Variants in IL17RD observed in about 807,000 individuals in gnomAD.
IL17RD encodes interleukin 17 receptor D, also known as interleukin-17 receptor D.
In IL17RD, 52 loss-of-function variants were observed where a neutral mutation model predicts 80.5. The observed-to-expected ratio is 0.65, with a 90% CI of 0.52 to 0.81. The LOEUF (loss-of-function observed/expected upper bound fraction) is 0.81, where lower values mean the gene tolerates loss of function less well. Among genes scored for constraint, IL17RD ranks in the 40% least tolerant of loss-of-function variants. IL17RD has a pLI of 0.00. For synonymous variants in IL17RD, 416 were observed against 391.8 expected (o/e 1.06, Z -0.73); for missense variants, 1,024 against 955.1 (o/e 1.07, Z -0.95).
chr3:57,128,147 G>A (rs184442435), intron 1 of IL17RD, among the ~76,000 whole-genome samples: 40 of 152,310 alleles, frequency 2.6e-4, no homozygotes, highest in African/African-American at 8.9e-4. Context: ...CCAGCAGTCT[G>A]ATTTGGAGGT....
At chr3:57,165,477 C>T (rs2060343023), upstream of IL17RD, 1 of 308,762 alleles carries the variant, frequency 3.2e-6, no homozygotes, top group Non-Finnish European at 5.3e-6. Flanking sequence ...GCCTGGCCCT[C>T]CAGTTGTGGC....
intron 1 of IL17RD, among the ~76,000 whole-genome samples, chr3:57,162,019 T>C (rs2060308471): frequency 6.6e-6 from 1 of 152,238 alleles, no homozygotes; most frequent in Non-Finnish European, 1.5e-5. Context: ...ATCAGCCTCT[T>C]AATTGCCCCA....
intron 1 of IL17RD, among the ~76,000 whole-genome samples, chr3:57,139,432 T>C (rs971534945): frequency 6.6e-6 from 1 of 152,168 alleles, no homozygotes; most frequent in African/African-American, 2.4e-5. Flanking sequence ...TGTGTAATTT[T>C]GAACTGAATG....
In IL17RD at chr3:57,106,129, G is replaced by A; in HGVS notation, c.576C>T (p.Asp192=). 6.2e-7 allele frequency: 1 copy of A among 1,612,438 alleles called. No homozygotes were observed. The change falls in exon 6 of 13, where the codon GAC becomes GAT. Residue 192 remains aspartate (D), a synonymous_variant. Coordinates refer to ENST00000296318, the MANE Select transcript of IL17RD (RefSeq NM_017563.5). ...TRACDLLLQP[D]NLACKPFWKP... is the part of the protein sequence containing the mutation. ...ACTTACAGGGTTTACAAGCTAGATT[G>A]TCCGGCTGTAACAACAGGTCACAGG...
At chr3:57,101,441 T>C (rs780124089) in intron 10 of IL17RD, 78 bp from the exon 11 acceptor site, 6 of 944,568 alleles carry the variant, frequency 6.4e-6, no homozygotes, top group Non-Finnish European at 9.5e-6. Flanking sequence ...AACCCAGTGC[T>C]ATCTTCAAGA....
intron 1 of IL17RD, among the ~76,000 whole-genome samples, chr3:57,135,504 G>A (rs1353552557): frequency 6.6e-6 from 1 of 152,118 alleles, no homozygotes; most frequent in Admixed American, 6.5e-5. Flanking sequence ...ATAAAATTAA[G>A]TACAAAGAAG....
intron 7 of IL17RD, among the ~76,000 whole-genome samples, chr3:57,105,552 A>ATATAT (rs1553623052): frequency 6.3e-5 from 4 of 63,586 alleles, no homozygotes; most frequent in Non-Finnish European, 1.1e-4. Context: ...AAAAAAAAAA[A>ATATAT]ATATATATAT....
intron 3 of IL17RD, among the ~76,000 whole-genome samples, chr3:57,113,483 T>A (rs925404422): frequency 6.6e-6 from 1 of 152,126 alleles, no homozygotes; most frequent in Non-Finnish European, 1.5e-5. Flanking sequence ...GTGATCCACC[T>A]GCCTCGGCCT....
Position 57,096,356 on chromosome 3 carries a change from G to T in IL17RD, c.*37C>A. 7.4e-7 allele frequency: 1 copy of T among 1,349,724 alleles called. No individual in the cohort carries two copies. The highest frequency in any genetic ancestry group is 1.1e-6 in the Non-Finnish European group (1 of 938,448). 83.6% of individuals were successfully genotyped at this position (1,349,724 alleles called of 1,614,324 possible). On this transcript the variant is annotated 3_prime_UTR_variant, in exon 13 of 13. Transcript: ENST00000296318. ...TGAGCTGGGGAATCAGAGGGAGGCA[G>T]CAGCTAAAGTGGCAATGCTTAGACT... is the stretch of plus-strand genomic sequence containing the variant.
chr3:57,155,957 G>A (rs2060264223), intron 1 of IL17RD, among the ~76,000 whole-genome samples: 1 of 152,152 alleles, frequency 6.6e-6, no homozygotes, highest in Non-Finnish European at 1.5e-5. Flanking sequence ...ATTGGAGAGT[G>A]TCTACTTGCA....
At chr3:57,124,635 T>C (rs1287194242) in intron 1 of IL17RD, among the ~76,000 whole-genome samples, 10 of 152,172 alleles carry the variant, frequency 6.6e-5, no homozygotes, top group Non-Finnish European at 1.3e-4. Flanking sequence ...GCCAACACTT[T>C]GATTTTGGCC....
At chr3:57,106,920 T>G (rs139898248) in intron 5 of IL17RD, among the ~76,000 whole-genome samples, 135 of 152,288 alleles carry the variant, frequency 8.9e-4, no homozygotes, top group African/African-American at 3.2e-3. Context: ...AAAAGATACA[T>G]TGATTCTATG....
At chr3:57,096,605 G>A in intron 12 of IL17RD, 100 bp from the exon 13 acceptor site, 4 of 849,264 alleles carry the variant, frequency 4.7e-6, no homozygotes, top group Non-Finnish European at 8.1e-6. Context: ...TTTGGACTAT[G>A]GGCTCTGTAT....
intron 1 of IL17RD, among the ~76,000 whole-genome samples, chr3:57,128,441 A>ATG (rs1273124451): frequency 1.3e-5 from 2 of 152,176 alleles, no homozygotes; most frequent in Non-Finnish European, 2.9e-5. Context: ...GAGCTCTAAC[A>ATG]TGAGGCCGAC....
chr3:57,097,974 G>T lies in IL17RD; in HGVS notation c.1729C>A (p.Pro577Thr), dbSNP rs766095716. 2 of 1,614,028 alleles carry T rather than the reference G, an allele frequency of 1.2e-6. No individual in the cohort carries two copies. Among genetic ancestry groups the T allele is most frequent in the Non-Finnish European group, 1.7e-6 (2 of 1,179,894 alleles). The stretch of plus-strand genomic sequence containing the variant: ...CCCGAATCAAATTTCTCCAAGACTG[G>T]CTCCCGGTAGCGCAGTGGAGGAGGA... ...FHPPPLRYREPVLEKFDSGLV... is the reference protein window; with the variant it reads ...FHPPPLRYRETVLEKFDSGLV... Residue 577 changes from proline to threonine, a missense_variant, in exon 12 of 13, where the codon CCA becomes ACA. Pro to Thr is a conservative substitution (Grantham distance 38). Transcript: ENST00000296318.
At chr3:57,104,302 A>C (rs1706902365) in intron 8 of IL17RD, 40 bp downstream of exon 8, 7 of 1,391,278 alleles carry the variant, frequency 5.0e-6, no homozygotes, top group Non-Finnish European at 6.1e-6. Context: ...AACTGGGTTC[A>C]TTCTATAGCA....
At chr3:57,116,620 T>C (rs879696556) in intron 2 of IL17RD, among the ~76,000 whole-genome samples, 3 of 152,180 alleles carry the variant, frequency 2.0e-5, no homozygotes, top group Non-Finnish European at 4.4e-5. Context: ...TTTCAAAGGA[T>C]GTTAATAAAA....
chr3:57,150,590 T>A (rs1206276751), intron 1 of IL17RD: 2 of 152,196 alleles, frequency 1.3e-5, no homozygotes, highest in African/African-American at 4.8e-5. Context: ...GGCTGGGCAG[T>A]CAGGACGAAA....
intron 8 of IL17RD, 148 bp from the exon 9 acceptor site, chr3:57,103,293 G>A: frequency 1.5e-6 from 1 of 656,628 alleles, no homozygotes; most frequent in South Asian, 1.9e-5. Context: ...CTGAGTTTTG[G>A]AAAAGAATGG....
Sources: gnomAD v4.1 joint callset for allele counts (sites outside exome capture counted in the v4.1 genomes callset) on GRCh38, gnomAD v4.1.1 for gene constraint, MANE v1.5 for transcripts, NCBI Gene and HGNC (gene_info 2026-07-23, HGNC 2026-07-21) for gene names.